HHAT: variants seen among roughly 807,000 people sequenced by gnomAD.
HHAT encodes protein-cysteine N-palmitoyltransferase HHAT.
Under a neutral mutation model 70.8 loss-of-function variants are expected in HHAT, and 47 were observed. The ratio of observed to expected loss-of-function variants is 0.66; its 90% CI spans 0.53 to 0.85. HHAT has a LOEUF of 0.85. Among genes scored for constraint, HHAT ranks in the 40% least tolerant of loss-of-function variants. The pLI is 0.00. For synonymous variants in HHAT, 228 were observed against 247.6 expected, an observed-to-expected ratio of 0.92 and a Z score of 0.74; for missense variants, 609 against 604.8, an observed-to-expected ratio of 1.01 and a Z score of -0.07.
At chr1:210,578,761 G>A (rs559457254) in intron 9 of HHAT, among the ~76,000 whole-genome samples, 3 of 152,244 alleles carry the variant, frequency 2.0e-5, no homozygotes, top group African/African-American at 7.2e-5. Flanking sequence ...ATATACATAA[G>A]GCTATGAAGG....
chr1:210,413,529 A>G (rs2092626902), intron 6 of HHAT, among the ~76,000 whole-genome samples: 2 of 152,230 alleles, frequency 1.3e-5, no homozygotes, highest in Non-Finnish European at 2.9e-5. Flanking sequence ...TACTATAAAC[A>G]GTCAAGAGGA....
intron 1 of HHAT, among the ~76,000 whole-genome samples, chr1:210,335,995 C>A (rs2085450676): frequency 6.6e-6 from 1 of 152,162 alleles, no homozygotes; most frequent in Admixed American, 6.5e-5. Flanking sequence ...AGAGTAAATG[C>A]AATGTGATTC....
chr1:210,475,065 T>C (rs2094283151), intron 8 of HHAT, among the ~76,000 whole-genome samples: 1 of 151,940 alleles, frequency 6.6e-6, no homozygotes, highest in Non-Finnish European at 1.5e-5. Context: ...CTCGCTATGC[T>C]GCCCACACTG....
chr1:210,487,490 C>T (rs2094490814), intron 8 of HHAT, among the ~76,000 whole-genome samples: 1 of 152,010 alleles, frequency 6.6e-6, no homozygotes, highest in South Asian at 2.1e-4. Context: ...CTACAGAGTC[C>T]CATTCTCTTC....
rs752888666 is a variant in HHAT at position 210,540,140 on chromosome 1, G to A, written c.1043+26952G>A. Reference sequence around the variant, plus strand: ...TACTCTAGTGACATAGAAGATGGCCGAGGGCTTGGTATTTCTTTTTCACAA... The same window carrying A: ...TACTCTAGTGACATAGAAGATGGCCAAGGGCTTGGTATTTCTTTTTCACAA... On this transcript the variant is annotated intron_variant, in intron 9 of 11. Coordinates refer to ENST00000261458, the MANE Select transcript of HHAT (RefSeq NM_018194.6). Among the ~76,000 whole-genome samples, 13 of 51,072 alleles carry A rather than the reference G, an allele frequency of 2.5e-4. No individual in the cohort carries two copies. In the South Asian group the frequency reaches 7.6e-3, roughly 30 times the overall value. The allele number at this position is 51,072 out of a possible 152,430, so 33.5% of individuals were successfully genotyped here.
intron 9 of HHAT, among the ~76,000 whole-genome samples, chr1:210,517,437 T>C (rs2095076170): frequency 6.6e-6 from 1 of 152,152 alleles, no homozygotes; most frequent in African/African-American, 2.4e-5. Flanking sequence ...TTACTCAGAA[T>C]TGTAGCCAGC....
At chr1:210,666,069 T>C (rs1264704554) in intron 11 of HHAT, among the ~76,000 whole-genome samples, 1 of 152,206 alleles carries the variant, frequency 6.6e-6, no homozygotes, top group Non-Finnish European at 1.5e-5. Context: ...GTGCTGGCCA[T>C]CAGCCATTGT....
At chr1:210,615,910 T>C (rs953231222) in intron 10 of HHAT, among the ~76,000 whole-genome samples, 2 of 152,160 alleles carry the variant, frequency 1.3e-5, no homozygotes, top group Non-Finnish European at 2.9e-5. Flanking sequence ...AGGCAGTCTG[T>C]CTGTTCTCAG....
chr1:210,427,887 G>T (rs760767275), intron 7 of HHAT, among the ~76,000 whole-genome samples: 2 of 151,876 alleles, frequency 1.3e-5, no homozygotes, highest in African/African-American at 4.8e-5. Flanking sequence ...TAATATTGTC[G>T]GTGGTGTGTT....
intron 6 of HHAT, among the ~76,000 whole-genome samples, chr1:210,408,029 A>C (rs2092400064): frequency 6.6e-6 from 1 of 152,070 alleles, no homozygotes; most frequent in African/African-American, 2.4e-5. Context: ...TCGGCTTGAG[A>C]GTGCTTGCTG....
Position 210,431,575 on chromosome 1 carries a change from T to C in HHAT, c.856+13250T>C, listed in dbSNP as rs149621556. 2.6e-3 allele frequency among the ~76,000 whole-genome samples: 393 copies of C among 152,020 alleles called. 11 individuals carry two copies. In the South Asian group the frequency reaches 0.058, roughly 23 times the overall value. On this transcript the variant is annotated intron_variant, in intron 7 of 11. Coordinates refer to ENST00000261458, the MANE Select transcript of HHAT (RefSeq NM_018194.6). ...ATATTGCCAGAAATGGAAATTCCAC[T>C]ATACCTGTTTTTAAGAAGGAAGAAA...
intron 10 of HHAT, among the ~76,000 whole-genome samples, chr1:210,613,862 A>G (rs1387316225): frequency 6.6e-6 from 1 of 152,078 alleles, no homozygotes; most frequent in African/African-American, 2.4e-5. Flanking sequence ...TACAAAAAAA[A>G]GCAAACAATT....
At chr1:210,328,070 C>T (rs2084689934), upstream of HHAT, among the ~76,000 whole-genome samples, 1 of 152,198 alleles carries the variant, frequency 6.6e-6, no homozygotes, top group Non-Finnish European at 1.5e-5. Flanking sequence ...AGCACAGCTT[C>T]CGAGTTTCCC....
At position 210,674,630 on chromosome 1, in the gene HHAT, G is replaced by A. The variant is rs1286214051; in HGVS notation, c.*251G>A. Reference sequence around the variant, plus strand: ...GAGGAAACGGGTCCAGGGCAGTCGTGTGTCTTACCCAGCTACACAGGGTGA... The same window carrying A: ...GAGGAAACGGGTCCAGGGCAGTCGTATGTCTTACCCAGCTACACAGGGTGA... On this transcript the variant is annotated 3_prime_UTR_variant, in exon 12 of 12. Transcript: ENST00000261458. 2 of 466,366 alleles carry A rather than the reference G, an allele frequency of 4.3e-6. No homozygotes were observed. Among genetic ancestry groups the A allele is most frequent in the South Asian group, 3.4e-5 (1 of 29,636 alleles). The allele number at this position is 466,366 out of a possible 1,614,324, so 28.9% of individuals were successfully genotyped here.
intron 11 of HHAT, among the ~76,000 whole-genome samples, chr1:210,662,296 G>A (rs1045982494): frequency 6.6e-6 from 1 of 152,216 alleles, no homozygotes; most frequent in Non-Finnish European, 1.5e-5. Flanking sequence ...CAGGCTGCCT[G>A]TCTGAATGCT....
intron 9 of HHAT, among the ~76,000 whole-genome samples, chr1:210,518,015 A>G (rs1487961697): frequency 2.0e-5 from 3 of 152,174 alleles, no homozygotes; most frequent in Non-Finnish European, 2.9e-5. Flanking sequence ...TGACGTTTTG[A>G]TGTATCTATG....
intron 7 of HHAT, among the ~76,000 whole-genome samples, chr1:210,425,578 C>A (rs1190863009): frequency 6.6e-6 from 1 of 152,070 alleles, no homozygotes; most frequent in Non-Finnish European, 1.5e-5. Flanking sequence ...GGTTACCCAG[C>A]ACCATTTATT....
chr1:210,599,698 A>T (rs1348921162), intron 10 of HHAT, among the ~76,000 whole-genome samples: 1 of 152,098 alleles, frequency 6.6e-6, no homozygotes, highest in Non-Finnish European at 1.5e-5. Context: ...TCTACCAAAT[A>T]GCTTCTAGGT....
intron 8 of HHAT, among the ~76,000 whole-genome samples, chr1:210,510,561 T>A (rs2094936260): frequency 6.6e-6 from 1 of 152,140 alleles, no homozygotes; most frequent in Non-Finnish European, 1.5e-5. Context: ...TGGGAAGACA[T>A]CAGCTTTTAA....
Sources: gnomAD v4.1 joint callset for allele counts (sites outside exome capture counted in the v4.1 genomes callset) on GRCh38, gnomAD v4.1.1 for gene constraint, MANE v1.5 for transcripts, NCBI Gene and HGNC (gene_info 2026-07-23, HGNC 2026-07-21) for gene names.